The following SCARA5 variants were observed in gnomAD, a reference collection of about 807,000 sequenced individuals.
The protein encoded by SCARA5 is scavenger receptor class A member 5.
Under a neutral mutation model 46.3 loss-of-function variants are expected in SCARA5, and 45 were observed. The observed-to-expected ratio is 0.97, with a 90% confidence interval of 0.76 to 1.24. The LOEUF (loss-of-function observed/expected upper bound fraction) is 1.24, where lower values mean the gene tolerates loss of function less well. Among genes scored for constraint, SCARA5 ranks in the 50% most tolerant of loss-of-function variants. SCARA5 has a pLI of 0.00. For missense variants in SCARA5, 680 were observed against 689.0 expected (o/e 0.99, Z 0.15); for synonymous variants, 333 against 306.5 (o/e 1.09, Z -0.90).
chr8:27,876,765 A>T (rs1806731024), intron 8 of SCARA5, among the ~76,000 whole-genome samples: 1 of 152,090 alleles, frequency 6.6e-6, no homozygotes, highest in Non-Finnish European at 1.5e-5. Flanking sequence ...ACACAAGGAC[A>T]GCAGAGGCGG....
chr8:27,923,581 T>C lies in SCARA5; in HGVS notation c.242-1336A>G, dbSNP rs144904637. Among the ~76,000 whole-genome samples the C allele has an allele frequency of 8.0e-3, 1,219 of 152,342 alleles. 21 individuals carry two copies. The highest frequency in any genetic ancestry group is 0.028 in the African/African-American group (1,166 of 41,574). ...TGTGTTTTCTGTTTTTGTTTTGTTTTGTTTTTTGAGACAGAGTCTCACTCT... is the reference window on the plus strand; with the variant it reads ...TGTGTTTTCTGTTTTTGTTTTGTTTCGTTTTTTGAGACAGAGTCTCACTCT... On this transcript the variant is annotated intron_variant, in intron 3 of 8. Transcript: ENST00000354914.
At chr8:27,917,833 A>C (rs1478042624) in intron 4 of SCARA5, among the ~76,000 whole-genome samples, 1 of 152,208 alleles carries the variant, frequency 6.6e-6, no homozygotes, top group East Asian at 1.9e-4. Context: ...AGGTCAAGGA[A>C]AAGAGAAGAC....
In SCARA5 at chr8:27,966,494, G is replaced by A. The variant is rs773392890; in HGVS notation, c.161C>T (p.Ser54Phe). The A allele has an allele frequency of 1.2e-6, 2 of 1,613,790 alleles. No individual in the cohort carries two copies. Among genetic ancestry groups the A allele is most frequent in the African/African-American group, 2.7e-5 (2 of 74,886 alleles). ...RASICCTQLG[S>F]LSALKHAVLG... ...GACAGCATGCTTCAGGGCCGACAGG[G>A]ACCCCAGCTGGGTACAGCAGATGCT... The change falls in exon 3 of 9, where the codon TCC becomes TTC. Residue 54 changes from serine to phenylalanine, a missense_variant. Coordinates refer to ENST00000354914, the MANE Select transcript of SCARA5 (RefSeq NM_173833.6).
intron 7 of SCARA5, among the ~76,000 whole-genome samples, chr8:27,888,060 C>A (rs752481384): frequency 6.6e-6 from 1 of 151,618 alleles, no homozygotes; most frequent in Admixed American, 6.6e-5. Flanking sequence ...CTCTGATTGA[C>A]GGACTTTTTT....
chr8:27,990,884 C>T (rs940173424), intron 1 of SCARA5, among the ~76,000 whole-genome samples: 12 of 152,252 alleles, frequency 7.9e-5, no homozygotes, highest in African/African-American at 2.9e-4. Context: ...AGGGAGGTGT[C>T]ACCCTCTCCA....
At chr8:27,963,270 G>C (rs1389027698) in intron 3 of SCARA5, among the ~76,000 whole-genome samples, 1 of 152,158 alleles carries the variant, frequency 6.6e-6, no homozygotes, top group Non-Finnish European at 1.5e-5. Flanking sequence ...TGAAGTGCTG[G>C]ATTGAGGACC....
intron 1 of SCARA5, among the ~76,000 whole-genome samples, chr8:27,987,970 G>A (rs899543854): frequency 6.6e-6 from 1 of 152,204 alleles, no homozygotes; most frequent in Non-Finnish European, 1.5e-5. Flanking sequence ...GGGGCCAGGA[G>A]GAGGGAACCC....
In SCARA5 at chr8:27,871,972, G is replaced by A; in HGVS notation, c.1450C>T (p.His484Tyr). The A allele has an allele frequency of 6.2e-7, 1 of 1,614,224 alleles. No individual in the cohort carries two copies. Among genetic ancestry groups the A allele is most frequent in the East Asian group, 2.2e-5 (1 of 44,882 alleles). Reference sequence around the variant, plus strand: ...CATGTCACGCTGGCATCTTCGGCATGTCCACAGTTTGTCACCCCCCATTTG... The same window carrying A: ...CATGTCACGCTGGCATCTTCGGCATATCCACAGTTTGTCACCCCCCATTTG... ...FSKWGVTNCG[H>Y]AEDASVTCNR... is the part of the protein sequence containing the mutation. Residue 484 changes from histidine (H) to tyrosine (Y), a missense_variant, in exon 9 of 9, where the codon CAT becomes TAT. By Grantham distance (83) the His-to-Tyr change is moderately conservative. This residue lies in a region of SCARA5 where 219 missense variants were observed against 269.5 expected (regional missense o/e 0.81). Transcript: ENST00000354914.
At chr8:27,920,090 GAAGA>G (rs982605720) in intron 4 of SCARA5, among the ~76,000 whole-genome samples, 5 of 151,896 alleles carry the variant, frequency 3.3e-5, no homozygotes, top group African/African-American at 1.2e-4. Flanking sequence ...TGTCAGGAGT[GAAGA>G]AAGGGAGTTG....
intron 2 of SCARA5, among the ~76,000 whole-genome samples, chr8:27,976,751 A>G (rs1808529917): frequency 6.6e-6 from 1 of 152,142 alleles, no homozygotes; most frequent in African/African-American, 2.4e-5. Context: ...CAGCTCTGCT[A>G]CTTACGCACG....
At chr8:27,947,831 C>T (rs1251872571) in intron 3 of SCARA5, among the ~76,000 whole-genome samples, 2 of 151,942 alleles carry the variant, frequency 1.3e-5, no homozygotes, top group Non-Finnish European at 1.5e-5. Context: ...GCTGAGATCA[C>T]GCCACTGTAC....
At chr8:27,895,039 G>C (rs1807041898) in intron 7 of SCARA5, among the ~76,000 whole-genome samples, 2 of 152,124 alleles carry the variant, frequency 1.3e-5, no homozygotes, top group Admixed American at 1.3e-4. Flanking sequence ...AAAAGCAGAG[G>C]GAAAGCCCAC....
chr8:27,984,680 C>T lies in SCARA5; in HGVS notation c.112+2824G>A, dbSNP rs148500227. On this transcript the variant is annotated intron_variant, in intron 2 of 8. Transcript: ENST00000354914. The stretch of plus-strand genomic sequence containing the variant: ...TTCATCCATCCATTCACCCATCCAT[C>T]CATGCATCCATCCATCCATTCATCC... 9.8e-3 allele frequency among the ~76,000 whole-genome samples: 1,490 copies of T among 152,090 alleles called. 33 individuals carry two copies. The highest frequency in any genetic ancestry group is 0.034 in the African/African-American group (1,414 of 41,462).
chr8:27,879,527 G>T (rs373729148), intron 8 of SCARA5, 42 bp downstream of exon 8: 3 of 1,577,520 alleles, frequency 1.9e-6, no homozygotes, highest in Non-Finnish European at 2.6e-6. Flanking sequence ...CCTAGGATGT[G>T]CAGGCCCTCT....
chr8:27,926,721 G>A (rs7008267), intron 3 of SCARA5, among the ~76,000 whole-genome samples: 9,498 of 152,260 alleles, frequency 0.062, 523 homozygotes, highest in East Asian at 0.21. Context: ...GTGAGATGGT[G>A]AGAATCCTGA....
intron 3 of SCARA5, among the ~76,000 whole-genome samples, chr8:27,923,804 AC>A (rs1807639160): frequency 6.6e-6 from 1 of 151,884 alleles, no homozygotes; most frequent in Admixed American, 6.6e-5. Context: ...CGATCTCTTG[AC>A]CTCATGATCT....
chr8:27,984,858 TC>T (rs1240023405), intron 2 of SCARA5, among the ~76,000 whole-genome samples: 3 of 152,136 alleles, frequency 2.0e-5, no homozygotes, highest in Admixed American at 1.3e-4. Context: ...CAGCTATCCA[TC>T]CATCCATCCA....
intron 3 of SCARA5, among the ~76,000 whole-genome samples, chr8:27,956,892 A>T (rs1283329441): frequency 6.6e-6 from 1 of 152,228 alleles, no homozygotes; most frequent in African/African-American, 2.4e-5. Context: ...CAGGACTGTC[A>T]CAGAAATTCC....
chr8:27,904,532 A>G, intron 7 of SCARA5: 1 of 564,490 alleles, frequency 1.8e-6, no homozygotes, highest in East Asian at 2.7e-5. Context: ...GACCGGGGGA[A>G]GCCTCCAGAT....
Sources: allele counts gnomAD v4.1 joint callset (sites outside exome capture counted in the v4.1 genomes callset), GRCh38; gene constraint gnomAD v4.1.1; regional missense constraint gnomAD v4.1.1; transcripts MANE v1.5; gene names NCBI Gene and HGNC (gene_info 2026-07-23, HGNC 2026-07-21).